PSD3: variants seen among roughly 807,000 people sequenced by gnomAD.
The protein encoded by PSD3 is PH and SEC7 domain-containing protein 3.
A neutral mutation model predicts 105.5 loss-of-function variants in PSD3; 49 were observed. That is an observed-to-expected ratio of 0.46 (90% CI 0.37 to 0.59). The LOEUF is 0.59. Among genes scored for constraint, PSD3 ranks in the 20% least tolerant of loss-of-function variants. The probability of loss-of-function intolerance (pLI) is 0.00; values close to 1 mark genes in which losing one functional copy is unlikely to be tolerated. For synonymous variants in PSD3, 557 were observed against 457.8 expected (o/e 1.22, Z -2.77); for missense variants, 1,561 against 1,263.8 (o/e 1.24, Z -3.57).
intron 11 of PSD3, among the ~76,000 whole-genome samples, chr8:18,623,788 C>T (rs777064935): frequency 5.9e-5 from 9 of 152,094 alleles, no homozygotes; most frequent in East Asian, 3.8e-4. Context: ...TCAGTGACTG[C>T]CTGTTATTCT....
intron 2 of PSD3, among the ~76,000 whole-genome samples, chr8:18,893,869 T>C (rs1393236668): frequency 1.3e-5 from 2 of 152,226 alleles, no homozygotes; most frequent in Non-Finnish European, 2.9e-5. Flanking sequence ...CCTTGGCCTG[T>C]TGTACTTCTC....
At chr8:18,917,929 G>C (rs1417259884) in intron 2 of PSD3, among the ~76,000 whole-genome samples, 1 of 152,106 alleles carries the variant, frequency 6.6e-6, no homozygotes, top group Non-Finnish European at 1.5e-5. Flanking sequence ...AGGTGGGCGT[G>C]TGTGTTTATG....
At chr8:18,770,989 G>T (rs1403004620) in intron 8 of PSD3, among the ~76,000 whole-genome samples, 1 of 152,222 alleles carries the variant, frequency 6.6e-6, no homozygotes. Flanking sequence ...GAGTGGGAAG[G>T]TAAATGCCAC....
intron 10 of PSD3, among the ~76,000 whole-genome samples, chr8:18,653,029 T>C (rs1808627871): frequency 6.6e-6 from 1 of 152,246 alleles, no homozygotes; most frequent in South Asian, 2.1e-4. Context: ...AAGATGTACG[T>C]TGATTGAACA....
intron 1 of PSD3, among the ~76,000 whole-genome samples, chr8:19,042,651 C>T (rs1009510661): frequency 6.6e-6 from 1 of 152,098 alleles, no homozygotes; most frequent in Non-Finnish European, 1.5e-5. Context: ...TTGTCTTGGT[C>T]GCTGAAATAC....
rs557861786 is a variant in PSD3, at chr8:19,057,010, C to A, written c.324+27196G>T. ...ATCTTGCTATCACCAAACCTATACG[C>A]CGGTTTGCCTCTAGCTAGCTTTTGA... On this transcript the variant is annotated intron_variant, in intron 1 of 1. Coordinates refer to the PSD3 transcript ENST00000521475. Among the ~76,000 whole-genome samples, 92 of 152,222 alleles carry A rather than the reference C, an allele frequency of 6.0e-4. 1 individual carries two copies. In the South Asian group the frequency reaches 0.019, roughly 31 times the overall value.
chr8:18,643,802 C>A (rs1228036594), intron 10 of PSD3, among the ~76,000 whole-genome samples: 1 of 152,220 alleles, frequency 6.6e-6, no homozygotes, highest in South Asian at 2.1e-4. Flanking sequence ...TATCCCACAT[C>A]TTTTGAAATC....
chr8:18,550,072 C>T (rs889625679), intron 15 of PSD3, among the ~76,000 whole-genome samples: 1 of 152,116 alleles, frequency 6.6e-6, no homozygotes, highest in African/African-American at 2.4e-5. Context: ...TTGTCCTTTT[C>T]CTGAAGATAA....
At chr8:18,552,739 T>C (rs1317399258) in intron 15 of PSD3, among the ~76,000 whole-genome samples, 1 of 152,206 alleles carries the variant, frequency 6.6e-6, no homozygotes, top group South Asian at 2.1e-4. Context: ...GATGGTGAGT[T>C]TCTCAATGTA....
intron 1 of PSD3, among the ~76,000 whole-genome samples, chr8:19,056,133 C>T (rs575574072): frequency 6.6e-6 from 1 of 152,348 alleles, no homozygotes; most frequent in South Asian, 2.1e-4. Flanking sequence ...GCAGTAACGT[C>T]TTCGTGGGAT....
intron 9 of PSD3, among the ~76,000 whole-genome samples, chr8:18,746,946 G>A (rs998289667): frequency 6.6e-6 from 1 of 152,198 alleles, no homozygotes; most frequent in Non-Finnish European, 1.5e-5. Flanking sequence ...CCTTAGGCAT[G>A]GATATTTTCT....
intron 4 of PSD3, among the ~76,000 whole-genome samples, chr8:18,861,502 C>T (rs1165671196): frequency 1.3e-5 from 2 of 152,084 alleles, no homozygotes; most frequent in Non-Finnish European, 2.9e-5. Context: ...CCTCTCTCTC[C>T]TCCAATTTGA....
chr8:18,964,922 G>A (rs1824145928), intron 1 of PSD3, among the ~76,000 whole-genome samples: 1 of 152,082 alleles, frequency 6.6e-6, no homozygotes, highest in African/African-American at 2.4e-5. Flanking sequence ...AATGTTATTT[G>A]TTTAAATCCC....
At chr8:18,604,325 C>G (rs1225464578) in intron 11 of PSD3, among the ~76,000 whole-genome samples, 2 of 152,046 alleles carry the variant, frequency 1.3e-5, no homozygotes, top group African/African-American at 4.8e-5. Context: ...GTGCCTTTGC[C>G]CTAGGGATCT....
At chr8:18,769,865 G>A (rs1334657723) in intron 8 of PSD3, among the ~76,000 whole-genome samples, 1 of 152,040 alleles carries the variant, frequency 6.6e-6, no homozygotes, top group East Asian at 1.9e-4. Context: ...TACCAATTGT[G>A]TTTCTTCATT....
chr8:18,773,009 G>T (rs556540724), intron 8 of PSD3, among the ~76,000 whole-genome samples: 1 of 152,016 alleles, frequency 6.6e-6, no homozygotes, highest in African/African-American at 2.4e-5. Flanking sequence ...TTGTTTTTAA[G>T]GCACAAACGT....
At chr8:19,072,109 T>C (rs1829286301) in intron 1 of PSD3, among the ~76,000 whole-genome samples, 3 of 150,832 alleles carry the variant, frequency 2.0e-5, no homozygotes, top group Admixed American at 6.6e-5. Context: ...TTTCTTCTTT[T>C]TTTTTTTTTT....
chr8:18,942,470 T>C (rs7001853), intron 1 of PSD3, among the ~76,000 whole-genome samples: 152,211 of 152,306 alleles, frequency 1, 76,058 homozygotes, highest in Middle Eastern at 1. Context: ...TTAGGCGTTA[T>C]GGGCTGAATT....
At chr8:18,983,819 C>T (rs903414629) in intron 1 of PSD3, among the ~76,000 whole-genome samples, 5 of 151,484 alleles carry the variant, frequency 3.3e-5, no homozygotes, top group African/African-American at 1.2e-4. Flanking sequence ...GGCAACATAG[C>T]CAGACGCCGT....
Sources: allele counts gnomAD v4.1 joint callset (sites outside exome capture counted in the v4.1 genomes callset), GRCh38; gene constraint gnomAD v4.1.1; transcripts MANE v1.5; gene names NCBI Gene and HGNC (gene_info 2026-07-23, HGNC 2026-07-21).